SLC8A3: variants seen among roughly 807,000 people sequenced by gnomAD.
SLC8A3 encodes the protein sodium/calcium exchanger 3.
Under a neutral mutation model 65.4 loss-of-function variants are expected in SLC8A3, and 37 were observed. That is an observed-to-expected ratio of 0.57 (90% CI 0.44 to 0.74). The LOEUF (loss-of-function observed/expected upper bound fraction) is 0.74, where lower values mean the gene tolerates loss of function less well. Ranked by LOEUF, SLC8A3 falls within the 30% of genes least tolerant of loss-of-function variation. The pLI is 0.00. For synonymous variants in SLC8A3, 461 were observed against 444.5 expected, an observed-to-expected ratio of 1.04 and a Z score of -0.47; for missense variants, 1,112 against 1,172.1, an observed-to-expected ratio of 0.95 and a Z score of 0.75.
intron 2 of SLC8A3, among the ~76,000 whole-genome samples, chr14:70,109,664 A>G (rs556022988): frequency 1.3e-5 from 2 of 151,902 alleles, no homozygotes; most frequent in Non-Finnish European, 2.9e-5. Flanking sequence ...ATATTGGCCA[A>G]GCTGGTCTCG....
At chr14:70,099,325 A>G (rs1466257372) in intron 2 of SLC8A3, among the ~76,000 whole-genome samples, 1 of 152,166 alleles carries the variant, frequency 6.6e-6, no homozygotes, top group Non-Finnish European at 1.5e-5. Flanking sequence ...CGTTACAGAG[A>G]CCCTATGTTG....
chr14:70,109,180 T>C (rs958807034), intron 2 of SLC8A3, among the ~76,000 whole-genome samples: 2 of 146,696 alleles, frequency 1.4e-5, no homozygotes, highest in Non-Finnish European at 3.0e-5. Flanking sequence ...GCACAGTTAC[T>C]GGCATGCAGA....
At chr14:70,086,908 C>A (rs1214440000) in intron 2 of SLC8A3, among the ~76,000 whole-genome samples, 1 of 152,148 alleles carries the variant, frequency 6.6e-6, no homozygotes, top group South Asian at 2.1e-4. Context: ...ATTCCATAAA[C>A]CACCCTCTAC....
chr14:70,161,153 A>T (rs1051332674), intron 2 of SLC8A3, among the ~76,000 whole-genome samples: 1 of 146,816 alleles, frequency 6.8e-6, no homozygotes. Context: ...ATATATATGT[A>T]TAATATATAT....
intron 2 of SLC8A3, among the ~76,000 whole-genome samples, chr14:70,159,620 T>A (rs562886178): frequency 1.1e-4 from 17 of 152,292 alleles, no homozygotes; most frequent in Admixed American, 5.2e-4. Flanking sequence ...GTCCTCCTCA[T>A]TTACCTGCCT....
At chr14:70,049,072 G>A (rs764488473) in intron 5 of SLC8A3, 30 bp from the exon 6 acceptor site, 53 of 1,573,964 alleles carry the variant, frequency 3.4e-5, no homozygotes, top group Admixed American at 2.3e-4. Flanking sequence ...GCAAGAGAAC[G>A]GGTAACGAAG....
intron 3 of SLC8A3, among the ~76,000 whole-genome samples, chr14:70,056,639 CTT>C (rs1471765966): frequency 6.6e-6 from 1 of 152,118 alleles, no homozygotes; most frequent in Non-Finnish European, 1.5e-5. Context: ...TGGCAACTGT[CTT>C]TTCCATAGAT....
intron 2 of SLC8A3, among the ~76,000 whole-genome samples, chr14:70,066,536 C>G (rs541223460): frequency 6.6e-5 from 10 of 152,134 alleles, no homozygotes; most frequent in African/African-American, 2.4e-4. Flanking sequence ...ATTTGGCCAG[C>G]GCGGTGCCTC....
intron 2 of SLC8A3, among the ~76,000 whole-genome samples, chr14:70,151,872 CCTT>C (rs1482069392): frequency 6.6e-6 from 1 of 151,676 alleles, no homozygotes; most frequent in African/African-American, 2.4e-5. Flanking sequence ...CATCACATGG[CCTT>C]CTTGTAAGGA....
In SLC8A3 at chr14:70,102,044, T is replaced by C. The variant is rs1297914488; in HGVS notation, c.1785-41105A>G. On this transcript the variant is annotated intron_variant, in intron 2 of 6. Coordinates refer to ENST00000356921, the MANE Select transcript of SLC8A3 (RefSeq NM_182932.3). ...TCTATGGGGTTTTCCTGCAAGTCTT[T>C]GGCTGAAGGCTGAGCTGTCCAAGTG... Among the ~76,000 whole-genome samples, 3 of 152,192 alleles carry C rather than the reference T, an allele frequency of 2.0e-5. No individual in the cohort carries two copies. The East Asian group carries it at 5.8e-4, about 29-fold the overall frequency.
At chr14:70,104,566 C>A (rs1230068071) in intron 2 of SLC8A3, among the ~76,000 whole-genome samples, 1 of 151,990 alleles carries the variant, frequency 6.6e-6, no homozygotes, top group African/African-American at 2.4e-5. Context: ...TGGTAATATT[C>A]TTAATACATT....
At chr14:70,092,229 G>T (rs1159831264) in intron 2 of SLC8A3, among the ~76,000 whole-genome samples, 2 of 152,076 alleles carry the variant, frequency 1.3e-5, no homozygotes, top group Non-Finnish European at 2.9e-5. Flanking sequence ...TTATGTGATT[G>T]TTTCTGTCTC....
chr14:70,188,130 C>G (rs1162782786), intron 1 of SLC8A3, among the ~76,000 whole-genome samples: 1 of 152,062 alleles, frequency 6.6e-6, no homozygotes, highest in Non-Finnish European at 1.5e-5. Flanking sequence ...CTGTAGACAC[C>G]CACTCTGCCA....
intron 2 of SLC8A3, chr14:70,063,847 T>C: frequency 6.2e-7 from 1 of 1,608,856 alleles, no homozygotes; most frequent in Non-Finnish European, 8.5e-7. Context: ...ATATCCACCA[T>C]GCGGGGGCCC....
intron 2 of SLC8A3, among the ~76,000 whole-genome samples, chr14:70,095,724 G>C (rs963350710): frequency 6.6e-6 from 1 of 152,196 alleles, no homozygotes; most frequent in African/African-American, 2.4e-5. Flanking sequence ...CATCTGAAGA[G>C]AGAGGGAAAT....
intron 2 of SLC8A3, among the ~76,000 whole-genome samples, chr14:70,081,932 G>A (rs372982565): frequency 1.8e-4 from 28 of 152,290 alleles, no homozygotes; most frequent in African/African-American, 6.7e-4. Context: ...AAATTCGGAG[G>A]ACCTTAGGAT....
intron 2 of SLC8A3, among the ~76,000 whole-genome samples, chr14:70,076,735 C>T (rs557704644): frequency 6.6e-6 from 1 of 152,298 alleles, no homozygotes; most frequent in Admixed American, 6.5e-5. Flanking sequence ...TGAAAATAGT[C>T]ATCTTGGCTA....
At chr14:70,108,827 A>C (rs926002405) in intron 2 of SLC8A3, among the ~76,000 whole-genome samples, 3 of 152,330 alleles carry the variant, frequency 2.0e-5, no homozygotes, top group South Asian at 2.1e-4. Context: ...CCCTAGCCAC[A>C]GTCCTGCTAC....
intron 1 of SLC8A3, among the ~76,000 whole-genome samples, chr14:70,172,933 A>T (rs1897640275): frequency 6.6e-6 from 1 of 152,148 alleles, no homozygotes; most frequent in African/African-American, 2.4e-5. Context: ...CATTCAAGTC[A>T]AAGAGAACAG....
Sources: gnomAD v4.1 joint callset for allele counts (sites outside exome capture counted in the v4.1 genomes callset) on GRCh38, gnomAD v4.1.1 for gene constraint, MANE v1.5 for transcripts, NCBI Gene and HGNC (gene_info 2026-07-23, HGNC 2026-07-21) for gene names.